Variants in NFIB observed in about 807,000 individuals in gnomAD.
The protein encoded by NFIB is nuclear factor 1 B-type.
A neutral mutation model predicts 61.5 loss-of-function variants in NFIB; 11 were observed. The ratio of observed to expected loss-of-function variants is 0.18; its 90% CI spans 0.11 to 0.30. NFIB has a LOEUF of 0.30. Ranked by LOEUF, NFIB falls within the 10% of genes least tolerant of loss-of-function variation. The probability of loss-of-function intolerance (pLI) is 1.00; values close to 1 mark genes in which losing one functional copy is unlikely to be tolerated. For synonymous variants in NFIB, 260 were observed against 216.5 expected, an observed-to-expected ratio of 1.20 and a Z score of -1.76; for missense variants, 471 against 608.9, an observed-to-expected ratio of 0.77 and a Z score of 2.38.
chr9:14,202,766 G>C (rs1441121942), intron 2 of NFIB, among the ~76,000 whole-genome samples: 5 of 152,122 alleles, frequency 3.3e-5, no homozygotes, highest in South Asian at 2.1e-4. Flanking sequence ...ATCATGGATT[G>C]TGATGTCATA....
intron 1 of NFIB, among the ~76,000 whole-genome samples, chr9:14,398,364 C>A (rs927189738): frequency 6.6e-6 from 1 of 152,166 alleles, no homozygotes; most frequent in African/African-American, 2.4e-5. Flanking sequence ...TCTGAAAGTT[C>A]ACCTCAGTAG....
intron 9 of NFIB, among the ~76,000 whole-genome samples, chr9:14,114,330 G>C: frequency 6.6e-6 from 1 of 152,170 alleles, no homozygotes; most frequent in Non-Finnish European, 1.5e-5. Flanking sequence ...GACAGCCGGA[G>C]ATGAGCCTCA....
chr9:14,149,967 T>C (rs1234017465), intron 5 of NFIB, among the ~76,000 whole-genome samples, 178 bp downstream of exon 5: 1 of 152,172 alleles, frequency 6.6e-6, no homozygotes, highest in Non-Finnish European at 1.5e-5. Flanking sequence ...TGTACAACAA[T>C]TACATTTAAT....
At chr9:14,507,145 C>T in the NFIB span, among the ~76,000 whole-genome samples, 2 of 152,196 alleles carry the variant, frequency 1.3e-5, no homozygotes, top group Non-Finnish European at 2.9e-5. Context: ...CCAACTGTGT[C>T]CTGTTACATT....
chr9:14,167,927 A>T (rs575772088), intron 3 of NFIB, among the ~76,000 whole-genome samples: 1 of 152,344 alleles, frequency 6.6e-6, no homozygotes, highest in African/African-American at 2.4e-5. Context: ...AACTCTATCC[A>T]CCTGAGATTA....
rs1483502402 is a variant in NFIB at position 14,100,480 on chromosome 9, G to A, written c.1468-12154C>T. Among the ~76,000 whole-genome samples, 9 of 151,806 alleles carry A rather than the reference G, an allele frequency of 5.9e-5. No homozygotes were observed. The South Asian group carries it at 1.3e-3, about 21-fold the overall frequency. On this transcript the variant is annotated intron_variant, in intron 10 of 10. Coordinates refer to ENST00000380953, the MANE Select transcript of NFIB (RefSeq NM_001190737.2). ...TCCCAGCACTTTGGGAGGCCGAGGC[G>A]GGCAGATCACGAGGTTAGGAGATCG... is the stretch of plus-strand genomic sequence containing the variant.
the NFIB span, among the ~76,000 whole-genome samples, chr9:14,497,165 G>T: frequency 6.6e-6 from 1 of 152,142 alleles, no homozygotes; most frequent in Non-Finnish European, 1.5e-5. Context: ...CAGGTATCTA[G>T]GTTTTTTTAT....
intron 2 of NFIB, among the ~76,000 whole-genome samples, chr9:14,198,046 C>T (rs1486451881): frequency 2.0e-5 from 3 of 152,140 alleles, no homozygotes; most frequent in East Asian, 1.9e-4. Flanking sequence ...ACGTTGCCCC[C>T]TATATTCATT....
chr9:14,143,471 C>T (rs578086605), intron 6 of NFIB, among the ~76,000 whole-genome samples: 5 of 152,186 alleles, frequency 3.3e-5, no homozygotes, highest in African/African-American at 1.2e-4. Flanking sequence ...CTTTGATTCT[C>T]ATATTTAATA....
chr9:14,229,608 A>C (rs886422353), intron 2 of NFIB, among the ~76,000 whole-genome samples: 2 of 152,210 alleles, frequency 1.3e-5, no homozygotes, highest in African/African-American at 4.8e-5. Flanking sequence ...CTGCTGAGGA[A>C]GAAGAAGAAA....
intron 2 of NFIB, among the ~76,000 whole-genome samples, chr9:14,213,457 CAG>C (rs1307736801): frequency 2.6e-5 from 4 of 152,214 alleles, no homozygotes; most frequent in Non-Finnish European, 5.9e-5. Flanking sequence ...CTTGTCCTAA[CAG>C]AGTTTCTGGC....
chr9:14,229,837 T>C (rs1403358520), intron 2 of NFIB, among the ~76,000 whole-genome samples: 1 of 152,040 alleles, frequency 6.6e-6, no homozygotes, highest in East Asian at 1.9e-4. Flanking sequence ...ATCTGCTAGG[T>C]GATAAAGAAA....
the NFIB span, among the ~76,000 whole-genome samples, chr9:14,520,215 C>T: frequency 6.6e-6 from 1 of 152,118 alleles, no homozygotes; most frequent in East Asian, 1.9e-4. Context: ...TATCAAAAGG[C>T]CATTTCTTCA....
intron 7 of NFIB, among the ~76,000 whole-genome samples, chr9:14,123,096 A>G (rs1691643360): frequency 6.6e-6 from 1 of 151,900 alleles, no homozygotes; most frequent in Non-Finnish European, 1.5e-5. Context: ...TCTACTAAAA[A>G]AAATACAAAA....
At chr9:14,450,327 G>A in the NFIB span, among the ~76,000 whole-genome samples, 1 of 152,080 alleles carries the variant, frequency 6.6e-6, no homozygotes, top group African/African-American at 2.4e-5. Context: ...TCAACCTACT[G>A]CTTACATCAA....
intron 2 of NFIB, among the ~76,000 whole-genome samples, chr9:14,186,820 G>C (rs1306407817): frequency 2.0e-5 from 3 of 151,808 alleles, no homozygotes; most frequent in Non-Finnish European, 4.4e-5. Context: ...ATGGAAGGTT[G>C]CTTCATTGCT....
At chr9:14,122,126 C>G (rs1229558221) in intron 7 of NFIB, among the ~76,000 whole-genome samples, 1 of 124,980 alleles carries the variant, frequency 8.0e-6, no homozygotes, top group Non-Finnish European at 1.6e-5. Context: ...TTAGCCATAA[C>G]CTACAAAGGG....
chr9:14,465,247 C>T, the NFIB span, among the ~76,000 whole-genome samples: 2 of 152,156 alleles, frequency 1.3e-5, no homozygotes, highest in Admixed American at 1.3e-4. Context: ...ATCTCTGAGC[C>T]ATCCATCCTG....
At position 14,082,604 on chromosome 9, in the gene NFIB, C is replaced by A; in HGVS notation, c.*5705G>T. ...GAAACATATTTACAACTGAACTCAA[C>A]AGAGACTGTGAAATTGAACAGGCAC... On this transcript the variant is annotated 3_prime_UTR_variant, in exon 11 of 11. Transcript: ENST00000380953. The A allele has an allele frequency of 4.9e-6, 1 of 205,912 alleles. No homozygotes were observed. The highest frequency in any genetic ancestry group is 7.4e-5 in the East Asian group (1 of 13,550). 12.8% of individuals were successfully genotyped at this position (205,912 alleles called of 1,614,324 possible).
Sources: allele counts gnomAD v4.1 joint callset (sites outside exome capture counted in the v4.1 genomes callset), GRCh38; gene constraint gnomAD v4.1.1; transcripts MANE v1.5; gene names NCBI Gene and HGNC (gene_info 2026-07-23, HGNC 2026-07-21).